A2M: variants seen among roughly 807,000 people sequenced by gnomAD.
The protein encoded by A2M is alpha-2-macroglobulin.
In A2M, 128 loss-of-function variants were observed where a neutral mutation model predicts 183.9. That is an observed-to-expected ratio of 0.70 (90% CI 0.60 to 0.81). The LOEUF is 0.81. Among genes scored for constraint, A2M ranks in the 30% least tolerant of loss-of-function variants. A2M has a pLI of 0.00. For synonymous variants in A2M, 592 were observed against 670.8 expected (o/e 0.88, Z 1.81); for missense variants, 1,495 against 1,787.6 (o/e 0.84, Z 2.95).
At chr12:9,074,849 C>G in intron 28 of A2M, 66 bp from the exon 29 acceptor site, 1 of 1,480,556 alleles carries the variant, frequency 6.8e-7, no homozygotes, top group Non-Finnish European at 9.2e-7. Context: ...GGTGAAAGTA[C>G]CCAAGCCAGT....
rs1285628217 is a variant in A2M at position 9,089,055 on chromosome 12, A to G, written c.2770+145T>C. ...CTGATCAAATTACTTGGCCTTCCTA[A>G]GAACTATTTTCCACATTTGTCAAAT... On this transcript the variant is annotated intron_variant, in intron 22 of 35. Transcript: ENST00000318602. 7.5e-6 allele frequency: 5 copies of G among 670,554 alleles called. No homozygotes were observed. The Admixed American group carries it at 1.2e-4, about 15-fold the overall frequency. 41.5% of individuals were successfully genotyped at this position (670,554 alleles called of 1,614,324 possible). A position where few individuals can be genotyped will look rare whatever the true frequency, so the allele number is the denominator to read the frequency against.
At chr12:9,096,129 T>C (rs1217844912) in intron 15 of A2M, among the ~76,000 whole-genome samples, 1 of 152,212 alleles carries the variant, frequency 6.6e-6, no homozygotes, top group Non-Finnish European at 1.5e-5. Context: ...TTGAGCGCTC[T>C]CATTGCTTTG....
intron 8 of A2M, 66 bp downstream of exon 8, chr12:9,107,458 T>G (rs762963956): frequency 1.3e-6 from 2 of 1,577,078 alleles, no homozygotes; most frequent in East Asian, 4.5e-5. Flanking sequence ...AGAAAAATGC[T>G]GCAACTCACT....
chr12:9,093,362 C>T (rs1006996069), intron 18 of A2M, 103 bp downstream of exon 18: 8 of 739,574 alleles, frequency 1.1e-5, no homozygotes, highest in East Asian at 2.7e-5. Context: ...TCATGTTGTA[C>T]ATCATAAACA....
chr12:9,080,704 G>A (rs1444852794), intron 22 of A2M, among the ~76,000 whole-genome samples: 1 of 152,164 alleles, frequency 6.6e-6, no homozygotes, highest in African/African-American at 2.4e-5. Flanking sequence ...GTAAGGAAGT[G>A]AAGACGAACA....
At chr12:9,087,126 A>G (rs956692820) in intron 22 of A2M, among the ~76,000 whole-genome samples, 9 of 119,122 alleles carry the variant, frequency 7.6e-5, no homozygotes, top group Admixed American at 6.6e-4. Flanking sequence ...ATCAAAGAGA[A>G]CACAAATAAA....
At position 9,079,257 on chromosome 12, in the gene A2M, G is replaced by T; in HGVS notation, c.3106C>A (p.Gln1036Lys). The T allele has an allele frequency of 6.2e-7, 1 of 1,613,510 alleles. No homozygotes were observed. Among genetic ancestry groups the T allele is most frequent in the Non-Finnish European group, 8.5e-7 (1 of 1,179,702 alleles). ...TTCTTTCCTTACCAGGTGTTGCCCT[G>T]GTTCCTGCCATATCGCTCCCCAAAG... ...STFGERYGRN[Q>K]GNTWLTAFVL... The change falls in exon 25 of 36, where the codon CAG becomes AAG. Residue 1036 changes from glutamine (Q) to lysine (K), a missense_variant. Gln to Lys is a moderately conservative substitution (Grantham distance 53). Transcript: ENST00000318602.
chr12:9,106,758 A>G (rs550153084), intron 8 of A2M, among the ~76,000 whole-genome samples, 153 bp from the exon 9 acceptor site: 261 of 152,312 alleles, frequency 1.7e-3, no homozygotes, highest in Non-Finnish European at 3.3e-3. Flanking sequence ...GCAACTAAAT[A>G]TTAAATTTCA....
chr12:9,083,334 A>G (rs1033356944), intron 22 of A2M, among the ~76,000 whole-genome samples: 1 of 152,106 alleles, frequency 6.6e-6, no homozygotes, highest in Non-Finnish European at 1.5e-5. Flanking sequence ...GCACATGTAT[A>G]CATATGTAAT....
At chr12:9,101,338 G>A in intron 12 of A2M, 109 bp downstream of exon 12, 2 of 1,343,274 alleles carry the variant, frequency 1.5e-6, no homozygotes, top group Non-Finnish European at 2.1e-6. Context: ...CTTTCAAAAG[G>A]AACATGGATA....
At chr12:9,101,929 C>T (rs1937889227) in intron 11 of A2M, among the ~76,000 whole-genome samples, 2 of 152,176 alleles carry the variant, frequency 1.3e-5, no homozygotes, top group Admixed American at 1.3e-4. Flanking sequence ...GCATCCTTTG[C>T]TCTGATTAGC....
intron 22 of A2M, among the ~76,000 whole-genome samples, chr12:9,085,132 A>G (rs1263879969): frequency 6.6e-6 from 1 of 152,082 alleles, no homozygotes; most frequent in East Asian, 1.9e-4. Context: ...CCAGAAAGAA[A>G]ATTAATAAGA....
chr12:9,106,508 A>C lies in A2M; in HGVS notation c.977T>G (p.Ile326Ser), dbSNP rs1436114006. 6.3e-7 allele frequency: 1 copy of C among 1,596,958 alleles called. No individual in the cohort carries two copies. The highest frequency in any genetic ancestry group is 8.5e-7 in the Non-Finnish European group (1 of 1,169,646). The change falls in exon 9 of 36, where the codon ATC (isoleucine) becomes AGC (serine). Residue 326 changes from isoleucine (I) to serine (S), a missense_variant. Ile to Ser is a moderately radical substitution (Grantham distance 142, BLOSUM62 -2). Transcript: ENST00000318602. ...ACACAAACCTGTTCCTTCTTCTTGG[A>C]TCTGGGCCTCAGTGTGAAGTTTCAT... ...YEMKLHTEAQ[I>S]QEEGTVVELT...
chr12:9,070,695 A>G lies in A2M; in HGVS notation c.4104-117T>C. ...AAGGTACACGTAAGTCTTCCCAAAT[A>G]TCTTATCCCAGTGGTTTGTAAAAGT... On this transcript the variant is annotated intron_variant, in intron 31 of 35. Transcript: ENST00000318602. The G allele has an allele frequency of 5.9e-6, 4 of 679,606 alleles. No individual in the cohort carries two copies. The South Asian group carries it at 8.5e-5, about 14-fold the overall frequency. The allele number at this position is 679,606 out of a possible 1,614,324, so 42.1% of individuals were successfully genotyped here.
intron 29 of A2M, 22 bp from the exon 30 acceptor site, chr12:9,072,893 G>C (rs752804246): frequency 1.9e-6 from 3 of 1,600,790 alleles, no homozygotes; most frequent in African/African-American, 2.7e-5. Context: ...AGATGAGTGA[G>C]AGAACCCATT....
intron 10 of A2M, among the ~76,000 whole-genome samples, chr12:9,105,982 G>A (rs1220802998): frequency 1.3e-5 from 2 of 152,060 alleles, no homozygotes; most frequent in Non-Finnish European, 2.9e-5. Context: ...CAAAAGAAGG[G>A]GGGAAAACTC....
intron 31 of A2M, among the ~76,000 whole-genome samples, chr12:9,070,912 C>G (rs1948554596): frequency 1.3e-5 from 2 of 152,006 alleles, no homozygotes; most frequent in Admixed American, 1.3e-4. Flanking sequence ...CCTCCGCCTC[C>G]TGGGTTCAAG....
intron 16 of A2M, 90 bp from the exon 17 acceptor site, chr12:9,095,174 C>G: frequency 3.1e-6 from 2 of 652,888 alleles, no homozygotes; most frequent in Non-Finnish European, 4.9e-6. Flanking sequence ...GACAAGCAAT[C>G]CAGTTAACTT....
At chr12:9,105,190 AC>A (rs1592384647) in intron 10 of A2M, among the ~76,000 whole-genome samples, 1 of 152,032 alleles carries the variant, frequency 6.6e-6, no homozygotes, top group East Asian at 1.9e-4. Context: ...CAATAGGCTG[AC>A]CCCCATCAGT....
Sources: gnomAD v4.1 joint callset for allele counts (sites outside exome capture counted in the v4.1 genomes callset) on GRCh38, gnomAD v4.1.1 for gene constraint, MANE v1.5 for transcripts, NCBI Gene and HGNC (gene_info 2026-07-23, HGNC 2026-07-21) for gene names.